WDPCP: variants seen among roughly 807,000 people sequenced by gnomAD.
WDPCP encodes the protein WD repeat-containing and planar cell polarity effector protein fritz homolog.
Under a neutral mutation model 93.1 loss-of-function variants are expected in WDPCP, and 71 were observed. The observed-to-expected ratio is 0.76, with a 90% CI of 0.63 to 0.93. The LOEUF is 0.93. WDPCP is among the 40% of genes least tolerant of loss of function. The pLI, the probability that WDPCP is intolerant of heterozygous loss-of-function variation, is 0.00. For synonymous variants in WDPCP, 315 were observed against 315.0 expected (o/e 1.00, Z 0.00); for missense variants, 844 against 887.4 (o/e 0.95, Z 0.62).
intron 13 of WDPCP, among the ~76,000 whole-genome samples, chr2:63,305,376 G>A (rs1418462297): frequency 6.6e-6 from 1 of 152,164 alleles, no homozygotes; most frequent in Non-Finnish European, 1.5e-5. Context: ...GCCCCTCTGG[G>A]ACGAAGGAAC....
chr2:63,781,999 G>T (rs1670400787), intron 2 of WDPCP, among the ~76,000 whole-genome samples: 1 of 152,030 alleles, frequency 6.6e-6, no homozygotes, highest in Non-Finnish European at 1.5e-5. Flanking sequence ...GAGAGAATTG[G>T]GTAGCCCAGA....
At chr2:63,585,025 G>T (rs1204685817) in intron 1 of WDPCP, among the ~76,000 whole-genome samples, 2 of 152,154 alleles carry the variant, frequency 1.3e-5, no homozygotes, top group East Asian at 3.8e-4. Context: ...TAATGATCAT[G>T]ATTAAAACTT....
chr2:63,553,338 G>A (rs1296711606), intron 1 of WDPCP, among the ~76,000 whole-genome samples: 1 of 152,014 alleles, frequency 6.6e-6, no homozygotes, highest in Non-Finnish European at 1.5e-5. Flanking sequence ...CCATCCTCCC[G>A]ATCCTGGTAC....
In WDPCP at chr2:63,247,155, G is replaced by A. The variant is rs377152965; in HGVS notation, c.1915+12152C>T. On this transcript the variant is annotated intron_variant, in intron 14 of 17. Transcript: ENST00000272321. ...TCTTATCCCTAGATGACCCACTTCC[G>A]GATTCTTTAACTGCTGCTGCTGTTT... 7.2e-5 allele frequency among the ~76,000 whole-genome samples: 11 copies of A among 152,226 alleles called. No homozygotes were observed. The South Asian group carries it at 1.5e-3, about 20-fold the overall frequency.
intron 1 of WDPCP, among the ~76,000 whole-genome samples, chr2:63,817,703 CA>C (rs950732168): frequency 6.6e-6 from 1 of 151,810 alleles, no homozygotes; most frequent in African/African-American, 2.4e-5. Context: ...CGTCCCTTTA[CA>C]AAAAAAAGTT....
At chr2:63,511,060 T>A (rs1702202153) in intron 1 of WDPCP, among the ~76,000 whole-genome samples, 1 of 152,170 alleles carries the variant, frequency 6.6e-6, no homozygotes, top group African/African-American at 2.4e-5. Flanking sequence ...AGTCTCAGGA[T>A]ACAAAATCAA....
intron 1 of WDPCP, among the ~76,000 whole-genome samples, chr2:63,556,705 A>G (rs1706149304): frequency 6.6e-6 from 1 of 152,178 alleles, no homozygotes; most frequent in African/African-American, 2.4e-5. Context: ...CAACCGCAAG[A>G]CACATAATCA....
chr2:63,720,431 AC>A (rs1162587528), intron 2 of WDPCP, among the ~76,000 whole-genome samples: 94 of 151,376 alleles, frequency 6.2e-4, no homozygotes, highest in South Asian at 2.1e-3. Flanking sequence ...AAAAAAAAAA[AC>A]AAAACAAAAC....
Position 63,572,701 on chromosome 2 carries a change from CAAAAAAAAA to C in WDPCP, c.75+15487_75+15495del, listed in dbSNP as rs533331577. Among the ~76,000 whole-genome samples the C allele has an allele frequency of 1.9e-3, 46 of 24,776 alleles. 1 individual carries two copies. Among genetic ancestry groups the C allele is most frequent in the East Asian group, 0.011 (4 of 364 alleles). The allele number at this position is 24,776 out of a possible 152,430, so 16.3% of individuals were successfully genotyped here. ...TGGGTGACAGAGTGAGACTCTGTCT[CAAAAAAAAA>C]AAAAAAAAAAAAAAAAGTTGGACAG... On this transcript the variant is annotated intron_variant, in intron 1 of 17. Transcript: ENST00000272321.
chr2:63,729,587 C>T (rs2103818660), intron 2 of WDPCP, among the ~76,000 whole-genome samples: 1 of 152,230 alleles, frequency 6.6e-6, no homozygotes, highest in South Asian at 2.1e-4. Context: ...CTCCTGATAG[C>T]ACATCAGGTG....
intron 10 of WDPCP, among the ~76,000 whole-genome samples, chr2:63,399,280 A>T (rs1300622142): frequency 6.6e-6 from 1 of 152,092 alleles, no homozygotes; most frequent in Non-Finnish European, 1.5e-5. Context: ...CCTTCTTGGG[A>T]AAAAGAGGTG....
intron 3 of WDPCP, among the ~76,000 whole-genome samples, chr2:63,619,623 C>T (rs993848759): frequency 1.3e-5 from 2 of 152,228 alleles, no homozygotes; most frequent in Admixed American, 6.5e-5. Flanking sequence ...CAGTGCCTGG[C>T]ACCATGCTTT....
intron 2 of WDPCP, among the ~76,000 whole-genome samples, chr2:63,698,317 A>G (rs1335047645): frequency 1.3e-5 from 2 of 152,212 alleles, no homozygotes; most frequent in African/African-American, 4.8e-5. Flanking sequence ...GTCTTCTGGT[A>G]TGAAGACATG....
chr2:63,517,687 T>C lies in WDPCP; in HGVS notation c.76-24747A>G, dbSNP rs1367787701. 2.0e-5 allele frequency among the ~76,000 whole-genome samples: 3 copies of C among 152,176 alleles called. No individual in the cohort carries two copies. The East Asian group carries it at 5.8e-4, about 29-fold the overall frequency. ...AAGCCATCCTTTATTTCTTAATTTC[T>C]AGTTGTATTGCATTTACAGGATGGC... On this transcript the variant is annotated intron_variant, in intron 1 of 17. Transcript: ENST00000272321.
chr2:63,364,646 G>A (rs560500073), intron 12 of WDPCP, among the ~76,000 whole-genome samples: 64 of 152,290 alleles, frequency 4.2e-4, no homozygotes, highest in Middle Eastern at 3.4e-3. Flanking sequence ...GTAGTGTTTT[G>A]TATGTCAAAA....
chr2:63,606,389 G>A (rs1244210017), intron 3 of WDPCP, among the ~76,000 whole-genome samples: 5 of 152,070 alleles, frequency 3.3e-5, no homozygotes, highest in African/African-American at 1.2e-4. Flanking sequence ...AAAGAAAACA[G>A]AATGTTATCA....
At chr2:63,725,255 G>A (rs1669480907) in intron 2 of WDPCP, among the ~76,000 whole-genome samples, 1 of 152,094 alleles carries the variant, frequency 6.6e-6, no homozygotes, top group African/African-American at 2.4e-5. Context: ...GTGTCCATGT[G>A]TACTCAATGT....
chr2:63,205,365 A>T (rs752082502), intron 14 of WDPCP, among the ~76,000 whole-genome samples: 4 of 152,020 alleles, frequency 2.6e-5, no homozygotes, highest in Non-Finnish European at 5.9e-5. Flanking sequence ...TCTGTGAAGG[A>T]TGTCAGTGGT....
At chr2:63,411,880 G>C (rs988680452) in intron 9 of WDPCP, among the ~76,000 whole-genome samples, 1 of 152,010 alleles carries the variant, frequency 6.6e-6, no homozygotes, top group African/African-American at 2.4e-5. Flanking sequence ...GATTGAAACG[G>C]TAATTTAAAA....
Sources: allele counts gnomAD v4.1 joint callset (sites outside exome capture counted in the v4.1 genomes callset), GRCh38; gene constraint gnomAD v4.1.1; transcripts MANE v1.5; gene names NCBI Gene and HGNC (gene_info 2026-07-23, HGNC 2026-07-21).